Variants in PTPN9 observed in about 807,000 individuals in gnomAD.
PTPN9 encodes tyrosine-protein phosphatase non-receptor type 9.
Under a neutral mutation model 69.8 loss-of-function variants are expected in PTPN9, and 26 were observed. The observed-to-expected ratio is 0.37, with a 90% CI of 0.27 to 0.52. PTPN9 has a LOEUF of 0.52. Among genes scored for constraint, PTPN9 ranks in the 20% least tolerant of loss-of-function variants. The pLI is 0.91. For missense variants in PTPN9, 549 were observed against 740.3 expected (o/e 0.74, Z 3.00); for synonymous variants, 274 against 272.5 (o/e 1.01, Z -0.05).
chr15:75,517,726 T>G (rs967774604), intron 4 of PTPN9, among the ~76,000 whole-genome samples: 2 of 152,206 alleles, frequency 1.3e-5, no homozygotes, highest in Admixed American at 1.3e-4. Context: ...CCCTGATAAC[T>G]GTAATCAAAC....
chr15:75,522,122 A>C (rs558768885), intron 4 of PTPN9, among the ~76,000 whole-genome samples: 1 of 152,340 alleles, frequency 6.6e-6, no homozygotes, highest in South Asian at 2.1e-4. Context: ...GGAGGACAGA[A>C]ATAACTCTGC....
chr15:75,539,606 T>G (rs778479706), intron 1 of PTPN9, among the ~76,000 whole-genome samples: 2 of 151,606 alleles, frequency 1.3e-5, no homozygotes, highest in Non-Finnish European at 2.9e-5. Context: ...GCGCCCAGCC[T>G]AGTAGAGAAG....
intron 7 of PTPN9, among the ~76,000 whole-genome samples, chr15:75,495,482 G>A (rs1328434319): frequency 1.3e-5 from 2 of 152,286 alleles, no homozygotes; most frequent in Admixed American, 1.3e-4. Context: ...GGAGGCCAAG[G>A]TGGGCAGATC....
At chr15:75,477,889 G>A (rs905321073) in intron 9 of PTPN9, among the ~76,000 whole-genome samples, 6 of 137,602 alleles carry the variant, frequency 4.4e-5, no homozygotes, top group Admixed American at 8.1e-5. Flanking sequence ...CGCCCAGGCT[G>A]GAGTGCAATG....
At chr15:75,534,656 CTGAG>C (rs1456144947) in intron 1 of PTPN9, among the ~76,000 whole-genome samples, 1 of 146,006 alleles carries the variant, frequency 6.8e-6, no homozygotes. Context: ...GCCTGGGTGA[CTGAG>C]TGAGACTCTA....
At chr15:75,547,442 C>G (rs1306865071) in intron 1 of PTPN9, among the ~76,000 whole-genome samples, 1 of 151,798 alleles carries the variant, frequency 6.6e-6, no homozygotes, top group Non-Finnish European at 1.5e-5. Flanking sequence ...ACTAAAAATA[C>G]ATAAATTAGC....
At chr15:75,469,083 A>G in intron 12 of PTPN9, 100 bp from the exon 13 acceptor site, 1 of 1,144,556 alleles carries the variant, frequency 8.7e-7, no homozygotes, top group Non-Finnish European at 1.2e-6. Flanking sequence ...TTCACAGGCA[A>G]AGTGCCTCAT....
At chr15:75,480,409 C>A (rs868588704) in intron 8 of PTPN9, among the ~76,000 whole-genome samples, 1 of 152,138 alleles carries the variant, frequency 6.6e-6, no homozygotes, top group Non-Finnish European at 1.5e-5. Flanking sequence ...TCGAGACCAT[C>A]CTGGCTAACA....
intron 1 of PTPN9, among the ~76,000 whole-genome samples, chr15:75,527,505 T>C (rs1337745739): frequency 1.3e-5 from 2 of 151,904 alleles, no homozygotes; most frequent in Non-Finnish European, 1.5e-5. Flanking sequence ...AGTGCAGGTA[T>C]GCATGAAAAA....
chr15:75,524,384 A>T, intron 2 of PTPN9, 86 bp from the exon 3 acceptor site: 3 of 724,668 alleles, frequency 4.1e-6, no homozygotes, highest in Non-Finnish European at 7.1e-6. Flanking sequence ...TCTCAGAGAT[A>T]AGGTGGTTAT....
chr15:75,574,157 G>A (rs1567532591), intron 1 of PTPN9, among the ~76,000 whole-genome samples: 1 of 152,012 alleles, frequency 6.6e-6, no homozygotes, highest in Non-Finnish European at 1.5e-5. Flanking sequence ...GCAATGACAA[G>A]GCCTGTAATC....
At chr15:75,570,065 C>T (rs1002333346) in intron 1 of PTPN9, among the ~76,000 whole-genome samples, 80 of 152,010 alleles carry the variant, frequency 5.3e-4, no homozygotes, top group African/African-American at 1.7e-3. Flanking sequence ...GTGATCCACC[C>T]GCCTCGGCCT....
chr15:75,465,554 C>CA lies in PTPN9; in HGVS notation c.*3214dup, dbSNP rs2074533539. The CA allele has an allele frequency of 6.6e-6, 1 of 152,206 alleles. No individual in the cohort carries two copies. Among genetic ancestry groups the CA allele is most frequent in the Admixed American group, 6.5e-5 (1 of 15,268 alleles). 9.4% of individuals were successfully genotyped at this position (152,206 alleles called of 1,614,324 possible). On this transcript the variant is annotated 3_prime_UTR_variant, in exon 13 of 13. Coordinates refer to ENST00000618819, the MANE Select transcript of PTPN9 (RefSeq NM_002833.4). ...GGTAGGTTCACGCTGGTAAAAGCTA[C>CA]AAACAATGGCAGTGGGAGGAGTTCC...
At chr15:75,543,515 A>G (rs998865709) in intron 1 of PTPN9, among the ~76,000 whole-genome samples, 12 of 152,250 alleles carry the variant, frequency 7.9e-5, no homozygotes, top group South Asian at 2.1e-4. Context: ...GGCATGAGAC[A>G]TACAAGACAC....
chr15:75,480,093 A>G (rs1458056302), intron 8 of PTPN9, among the ~76,000 whole-genome samples, 179 bp from the exon 9 acceptor site: 5 of 152,136 alleles, frequency 3.3e-5, no homozygotes, highest in Admixed American at 2.0e-4. Context: ...GGACAAGTAG[A>G]TATCTACATG....
In PTPN9 at chr15:75,569,892, G is replaced by A. The variant is rs547453905; in HGVS notation, c.63+8822C>T. Reference sequence around the variant, plus strand: ...GCTGGAGGGCAGTGGCGCGATCTCAGCTCACAGCAACCCCTGCCTCCCGGT... The same window carrying A: ...GCTGGAGGGCAGTGGCGCGATCTCAACTCACAGCAACCCCTGCCTCCCGGT... On this transcript the variant is annotated intron_variant, in intron 1 of 12. Transcript: ENST00000618819. 2.1e-3 allele frequency among the ~76,000 whole-genome samples: 319 copies of A among 151,956 alleles called. 2 individuals are homozygous for A. Among genetic ancestry groups the A allele is most frequent in the African/African-American group, 7.2e-3 (297 of 41,450 alleles).
In PTPN9 at chr15:75,469,787, G is replaced by T. The variant is rs62029744; in HGVS notation, c.1567+5C>A. On this transcript the variant is annotated splice_donor_5th_base_variant and intron_variant, in intron 12 of 12. Coordinates refer to ENST00000618819, the MANE Select transcript of PTPN9 (RefSeq NM_002833.4). ...AGACACCAAGAGCTGCATTAGGTGC[G>T]TTACCTGTCCTGCCAATGCCTGCAC... 6.2e-7 allele frequency: 1 copy of T among 1,612,230 alleles called. No individual in the cohort carries two copies. The highest frequency in any genetic ancestry group is 1.1e-5 in the South Asian group (1 of 90,988).
At chr15:75,489,380 A>G (rs1379058880) in intron 8 of PTPN9, among the ~76,000 whole-genome samples, 1 of 152,034 alleles carries the variant, frequency 6.6e-6, no homozygotes, top group African/African-American at 2.4e-5. Context: ...TTTGAGCACA[A>G]GAGTTCAAGA....
intron 1 of PTPN9, among the ~76,000 whole-genome samples, chr15:75,550,023 G>A (rs774803132): frequency 2.7e-5 from 4 of 147,292 alleles, no homozygotes; most frequent in Non-Finnish European, 4.5e-5. Flanking sequence ...TCCTTTTTCC[G>A]TTTCTCTATC....
Sources: allele counts gnomAD v4.1 joint callset (sites outside exome capture counted in the v4.1 genomes callset), GRCh38; gene constraint gnomAD v4.1.1; transcripts MANE v1.5; gene names NCBI Gene and HGNC (gene_info 2026-07-23, HGNC 2026-07-21).